The following PAK4 variants were observed in gnomAD, a reference collection of about 807,000 sequenced individuals.
The protein encoded by PAK4 is serine/threonine-protein kinase PAK 4.
A neutral mutation model predicts 53.5 loss-of-function variants in PAK4; 49 were observed. That is an observed-to-expected ratio of 0.92 (90% CI 0.73 to 1.16). PAK4 has a LOEUF of 1.16. PAK4 is among the 50% of genes most tolerant of loss of function. The pLI is 0.00. For synonymous variants in PAK4, 376 were observed against 375.6 expected, an observed-to-expected ratio of 1.00 and a Z score of -0.01; for missense variants, 824 against 850.7, an observed-to-expected ratio of 0.97 and a Z score of 0.39.
chr19:39,164,882 ATGG>A (rs1568518515), intron 1 of PAK4, among the ~76,000 whole-genome samples: 1 of 151,874 alleles, frequency 6.6e-6, no homozygotes, highest in African/African-American at 2.4e-5. Context: ...GGTGGTGGCG[ATGG>A]TGGTGGGAGT....
At chr19:39,147,896 CT>C (rs1184922139) in intron 1 of PAK4, among the ~76,000 whole-genome samples, 61 of 9,776 alleles carry the variant, frequency 6.2e-3, no homozygotes, top group Non-Finnish European at 0.01. Context: ...CACTGTTGTT[CT>C]TTTTTTTTTT....
In PAK4 at chr19:39,137,161, A is replaced by T. The variant is rs5828029; in HGVS notation, c.-23+11242A>T. On this transcript the variant is annotated intron_variant, in intron 1 of 8. Transcript: ENST00000358301. ...TACATAAATATAAATGTGATTGTTT[A>T]TTTTTTTCCAACAAATTTGGTGGAG... is the stretch of plus-strand genomic sequence containing the variant. 1.6e-3 allele frequency among the ~76,000 whole-genome samples: 140 copies of T among 89,706 alleles called. No homozygotes were observed. The East Asian group carries it at 0.029, about 19-fold the overall frequency. The allele number at this position is 89,706 out of a possible 152,430, so 58.9% of individuals were successfully genotyped here.
At chr19:39,136,845 G>T (rs1472982992) in intron 1 of PAK4, among the ~76,000 whole-genome samples, 1 of 152,232 alleles carries the variant, frequency 6.6e-6, no homozygotes, top group Non-Finnish European at 1.5e-5. Flanking sequence ...GGCACACCGG[G>T]AAGGTTTTCC....
At chr19:39,162,662 G>A (rs909786545) in intron 1 of PAK4, among the ~76,000 whole-genome samples, 1 of 152,144 alleles carries the variant, frequency 6.6e-6, no homozygotes. Flanking sequence ...ACCCGACTTA[G>A]TAGATGTTTT....
chr19:39,179,358 A>G (rs1167503849), exon 9 of PAK4: 2 of 34,792 alleles, frequency 5.7e-5, no homozygotes, highest in African/African-American at 1.1e-4. Context: ...CAGCCCGCCC[A>G]CCCCTGCCTC....
At chr19:39,136,320 C>G (rs11083509) in intron 1 of PAK4, 40,449 of 151,840 alleles carry the variant, frequency 0.27, 5,491 homozygotes, top group East Asian at 0.4. Context: ...CCTCTCCCAG[C>G]AGAGAAGCTT....
In PAK4 at chr19:39,173,543, C is replaced by A; in HGVS notation, c.664-33C>A. The A allele has an allele frequency of 6.7e-7, 1 of 1,490,966 alleles. No homozygotes were observed. The highest frequency in any genetic ancestry group is 1.3e-5 in the South Asian group (1 of 74,630). 92.4% of individuals were successfully genotyped at this position (1,490,966 alleles called of 1,614,324 possible). A position where few individuals can be genotyped will look rare whatever the true frequency, so the allele number is the denominator to read the frequency against. On this transcript the variant is annotated intron_variant, in intron 3 of 8. Transcript: ENST00000358301. This position sits in a 1 kb window ranked among gnomAD's most constrained non-coding sequence, Gnocchi z 6.9. ...AGGGAGCAGAGCTGCTCCCTGGCAC[C>A]CATCACTGACAGCTACCTCTCTTCT...
At chr19:39,174,046 T>G (rs1161342227) in intron 4 of PAK4, 36 bp downstream of exon 5, 1 of 1,314,700 alleles carries the variant, frequency 7.6e-7, no homozygotes, top group African/African-American at 1.8e-5. Flanking sequence ...CTGCTGGTCC[T>G]CCCACCCCTC....
In PAK4 at chr19:39,178,283, T is replaced by C. The variant is rs2074649662; in HGVS notation, c.1621-141T>C. On this transcript the variant is annotated intron_variant, in intron 8 of 8. Transcript: ENST00000358301. This position sits in a 1 kb window ranked among gnomAD's most constrained non-coding sequence, Gnocchi z 4.4. ...TCCCTGTCCCGTCTACACCCCAAGA[T>C]CTAGACACCCATGACCTCCGCCCCC... is the stretch of plus-strand genomic sequence containing the variant. 1 of 788,550 alleles carries C rather than the reference T, an allele frequency of 1.3e-6. No individual in the cohort carries two copies. The highest frequency in any genetic ancestry group is 2.8e-5 in the Admixed American group (1 of 35,894). The allele number at this position is 788,550 out of a possible 1,614,324, so 48.8% of individuals were successfully genotyped here. A position where few individuals can be genotyped will look rare whatever the true frequency, so the allele number is the denominator to read the frequency against.
intron 1 of PAK4, among the ~76,000 whole-genome samples, chr19:39,143,829 G>A (rs1262324280): frequency 6.6e-6 from 1 of 151,734 alleles, no homozygotes; most frequent in Non-Finnish European, 1.5e-5. Context: ...AAATGTAAAA[G>A]GGCGTGGTGG....
At chr19:39,165,456 A>G (rs1476248329) in intron 1 of PAK4, among the ~76,000 whole-genome samples, 1 of 150,504 alleles carries the variant, frequency 6.6e-6, no homozygotes, top group Non-Finnish European at 1.5e-5. Flanking sequence ...CGGAGGTTGC[A>G]GTGAGCTGAG....
At chr19:39,171,468 C>T (rs1297659579) in intron 2 of PAK4, among the ~76,000 whole-genome samples, 3 of 152,218 alleles carry the variant, frequency 2.0e-5, no homozygotes, top group Non-Finnish European at 4.4e-5. Flanking sequence ...TCCCGAGGTG[C>T]TGGGATTATA....
At chr19:39,137,557 G>T (rs2073838209) in intron 1 of PAK4, among the ~76,000 whole-genome samples, 1 of 152,078 alleles carries the variant, frequency 6.6e-6, no homozygotes, top group Admixed American at 6.6e-5. Context: ...AGTAGATCTG[G>T]TGGTGTTTCC....
At chr19:39,180,791 C>T (rs1281370916), downstream of PAK4, 1 of 152,210 alleles carries the variant, frequency 6.6e-6, no homozygotes, top group African/African-American at 2.4e-5. Context: ...TTCCTTCTAC[C>T]TTGTGAACAA....
intron 1 of PAK4, among the ~76,000 whole-genome samples, chr19:39,131,194 T>C (rs2073703590): frequency 6.6e-6 from 1 of 152,178 alleles, no homozygotes; most frequent in South Asian, 2.1e-4. Flanking sequence ...TTACTGGGGC[T>C]GCCCTCCCGT....
intron 2 of PAK4, among the ~76,000 whole-genome samples, chr19:39,170,708 C>T (rs1245661273): frequency 1.3e-5 from 2 of 152,230 alleles, no homozygotes; most frequent in African/African-American, 2.4e-5. Flanking sequence ...GGAGAAGCCC[C>T]AAGGCCCACA....
At chr19:39,179,642 T>TG (rs2074680063), downstream of PAK4, 1 of 152,240 alleles carries the variant, frequency 6.6e-6, no homozygotes, top group Non-Finnish European at 1.5e-5. Flanking sequence ...CCACAGTCCA[T>TG]GTGCAGACTG....
intron 1 of PAK4, among the ~76,000 whole-genome samples, chr19:39,169,040 C>G (rs2037493843): frequency 6.6e-6 from 1 of 152,170 alleles, no homozygotes; most frequent in African/African-American, 2.4e-5. Flanking sequence ...TAAGAAGGAA[C>G]AACAAACAGG....
intron 1 of PAK4, among the ~76,000 whole-genome samples, chr19:39,130,524 G>A (rs1279768636): frequency 6.6e-6 from 1 of 152,132 alleles, no homozygotes; most frequent in Non-Finnish European, 1.5e-5. Context: ...GGGTACGGAA[G>A]TGCCAAGGCC....
Sources: allele counts gnomAD v4.1 joint callset (sites outside exome capture counted in the v4.1 genomes callset), GRCh38; gene constraint gnomAD v4.1.1; non-coding constraint Gnocchi (gnomAD v3.1); transcripts MANE v1.5; gene names NCBI Gene and HGNC (gene_info 2026-07-23, HGNC 2026-07-21).